Variants in IMPG2 observed in about 807,000 individuals in gnomAD.
The protein encoded by IMPG2 is interphotoreceptor matrix proteoglycan 2.
In IMPG2, 91 loss-of-function variants were observed where a neutral mutation model predicts 129.2. The observed-to-expected ratio is 0.70, with a 90% CI of 0.59 to 0.84. The LOEUF (loss-of-function observed/expected upper bound fraction) is 0.84, where lower values mean the gene tolerates loss of function less well. IMPG2 is among the 40% of genes least tolerant of loss of function. The probability of loss-of-function intolerance (pLI) is 0.00; values close to 1 mark genes in which losing one functional copy is unlikely to be tolerated. For missense variants in IMPG2, 1,430 were observed against 1,461.7 expected, an observed-to-expected ratio of 0.98 and a Z score of 0.35; for synonymous variants, 510 against 517.7, an observed-to-expected ratio of 0.99 and a Z score of 0.20.
At chr3:101,230,549 C>T (rs1706274132) in intron 16 of IMPG2, among the ~76,000 whole-genome samples, 1 of 152,184 alleles carries the variant, frequency 6.6e-6, no homozygotes, top group African/African-American at 2.4e-5. Flanking sequence ...GCATTCTGGT[C>T]ACACTCAACC....
intron 9 of IMPG2, among the ~76,000 whole-genome samples, chr3:101,263,722 C>T (rs1706693627): frequency 6.6e-6 from 1 of 151,574 alleles, no homozygotes; most frequent in African/African-American, 2.4e-5. Flanking sequence ...AAATAAAAGA[C>T]ATGGAGACCA....
intron 17 of IMPG2, 80 bp downstream of exon 17, chr3:101,229,300 A>ACCCCCCCCCCCCCCCCCCCGCCCC: frequency 2.3e-6 from 2 of 859,118 alleles, no homozygotes; most frequent in Non-Finnish European, 3.8e-6. Context: ...ACTCATACAC[A>ACCCCCCCCCCCCCCCCCCCGCCCC]CCCCCACCCA....
At chr3:101,311,050 C>T (rs1328243263) in intron 2 of IMPG2, among the ~76,000 whole-genome samples, 1 of 151,978 alleles carries the variant, frequency 6.6e-6, no homozygotes, top group African/African-American at 2.4e-5. Context: ...TGAGGGGCTA[C>T]ACAGATCCAC....
intron 12 of IMPG2, among the ~76,000 whole-genome samples, chr3:101,245,030 TCAAA>T (rs1706460962): frequency 6.7e-6 from 1 of 150,266 alleles, no homozygotes; most frequent in South Asian, 2.1e-4. Flanking sequence ...GAAATAATCT[TCAAA>T]CACTTGTTTT....
intron 15 of IMPG2, among the ~76,000 whole-genome samples, chr3:101,232,234 A>T (rs953728764): frequency 0.011 from 1,547 of 134,682 alleles, 32 homozygotes; most frequent in African/African-American, 0.041. Flanking sequence ...TTTTTTTTTT[A>T]TTTATTTTTT....
At chr3:101,268,620 C>CATATAT (rs10631743) in intron 8 of IMPG2, among the ~76,000 whole-genome samples, 23 of 149,782 alleles carry the variant, frequency 1.5e-4, no homozygotes, top group African/African-American at 4.6e-4. Flanking sequence ...TGTAAATATA[C>CATATAT]ATATATATAT....
At chr3:101,250,597 A>G (rs1706533349) in intron 11 of IMPG2, among the ~76,000 whole-genome samples, 1 of 152,236 alleles carries the variant, frequency 6.6e-6, no homozygotes, top group African/African-American at 2.4e-5. Flanking sequence ...CCAAGTCTCT[A>G]GATTTCTCAG....
At chr3:101,311,957 G>A (rs1478145589) in intron 2 of IMPG2, among the ~76,000 whole-genome samples, 3 of 151,892 alleles carry the variant, frequency 2.0e-5, no homozygotes, top group African/African-American at 7.3e-5. Flanking sequence ...TAGCCTTTTC[G>A]ACAAATGGTG....
At chr3:101,296,657 A>G (rs1707082534) in intron 3 of IMPG2, among the ~76,000 whole-genome samples, 1 of 151,490 alleles carries the variant, frequency 6.6e-6, no homozygotes, top group Non-Finnish European at 1.5e-5. Context: ...TCCTCTTTGT[A>G]TCTCTGGTAG....
chr3:101,296,839 G>GTC (rs1197640097), intron 3 of IMPG2, among the ~76,000 whole-genome samples: 1 of 152,060 alleles, frequency 6.6e-6, no homozygotes, highest in Non-Finnish European at 1.5e-5. Context: ...ATTTATCCGT[G>GTC]TCTTCTAGAT....
intron 4 of IMPG2, among the ~76,000 whole-genome samples, chr3:101,285,537 C>T (rs1005871531): frequency 6.6e-6 from 1 of 152,186 alleles, no homozygotes. Flanking sequence ...TCTCTCCTGT[C>T]TACAGCTCTG....
intron 3 of IMPG2, among the ~76,000 whole-genome samples, chr3:101,298,083 T>C (rs1313040249): frequency 6.6e-6 from 1 of 152,234 alleles, no homozygotes; most frequent in East Asian, 1.9e-4. Flanking sequence ...TGAGTGCTTC[T>C]ATATTGGGTG....
chr3:101,225,673 A>G lies in IMPG2; in HGVS notation c.*1296T>C, dbSNP rs1282806577. The G allele has an allele frequency of 3.3e-5, 5 of 152,210 alleles. No homozygotes were observed. Among genetic ancestry groups the G allele is most frequent in the African/African-American group, 1.2e-4 (5 of 41,454 alleles). 9.4% of individuals were successfully genotyped at this position (152,210 alleles called of 1,614,324 possible). A position where few individuals can be genotyped will look rare whatever the true frequency, so the allele number is the denominator to read the frequency against. ...TCAGAAATAAATCAAAATGTTCAGA[A>G]TTGGTTTTGGCAAGCATGAAGACAT... On this transcript the variant is annotated 3_prime_UTR_variant, in exon 19 of 19. Coordinates refer to ENST00000193391, the MANE Select transcript of IMPG2 (RefSeq NM_016247.4).
At chr3:101,286,659 G>A (rs193100996) in intron 4 of IMPG2, among the ~76,000 whole-genome samples, 37 of 152,300 alleles carry the variant, frequency 2.4e-4, no homozygotes, top group African/African-American at 7.7e-4. Flanking sequence ...TCTAGCTTCC[G>A]ATGGCATGTG....
chr3:101,294,970 C>A (rs1707063489), intron 3 of IMPG2, among the ~76,000 whole-genome samples: 1 of 151,942 alleles, frequency 6.6e-6, no homozygotes. Flanking sequence ...CTTGTAGATT[C>A]TAGATATTAG....
intron 14 of IMPG2, among the ~76,000 whole-genome samples, chr3:101,241,294 G>A (rs1410202247): frequency 6.6e-6 from 1 of 152,194 alleles, no homozygotes; most frequent in Admixed American, 6.5e-5. Context: ...AAAGTCCTGA[G>A]GAAGCGACAT....
At chr3:101,289,096 T>G (rs75460784) in intron 4 of IMPG2, among the ~76,000 whole-genome samples, 1 of 152,320 alleles carries the variant, frequency 6.6e-6, no homozygotes, top group Admixed American at 6.5e-5. Context: ...ATACTTTTTT[T>G]ATTCATTCAT....
At chr3:101,245,757 C>T (rs1330275693) in intron 12 of IMPG2, 45 bp downstream of exon 12, 3 of 1,550,814 alleles carry the variant, frequency 1.9e-6, no homozygotes, top group East Asian at 4.5e-5. Context: ...AAACCCCTGT[C>T]ATCGGATACA....
intron 4 of IMPG2, among the ~76,000 whole-genome samples, chr3:101,290,173 A>G (rs947430311): frequency 1.3e-5 from 2 of 152,074 alleles, no homozygotes; most frequent in Non-Finnish European, 2.9e-5. Context: ...AATGGCAATC[A>G]CAAGGAATCT....
Sources: gnomAD v4.1 joint callset for allele counts (sites outside exome capture counted in the v4.1 genomes callset) on GRCh38, gnomAD v4.1.1 for gene constraint, MANE v1.5 for transcripts, NCBI Gene and HGNC (gene_info 2026-07-23, HGNC 2026-07-21) for gene names.